The following SLC36A1 variants were observed in gnomAD, a reference collection of about 807,000 sequenced individuals.
SLC36A1 encodes proton-coupled amino acid transporter 1.
SLC36A1 carries 30 observed loss-of-function variants against 47.5 expected under a neutral mutation model. That is an observed-to-expected ratio of 0.63 (90% confidence interval 0.47 to 0.86). The LOEUF is 0.86. SLC36A1 is among the 40% of genes least tolerant of loss of function. The pLI, the probability that SLC36A1 is intolerant of heterozygous loss-of-function variation, is 0.00. For synonymous variants in SLC36A1, 255 were observed against 249.7 expected, an observed-to-expected ratio of 1.02 and a Z score of -0.20; for missense variants, 517 against 606.0, an observed-to-expected ratio of 0.85 and a Z score of 1.54.
At chr5:151,372,027 G>C in the SLC36A1 span, among the ~76,000 whole-genome samples, 1 of 152,150 alleles carries the variant, frequency 6.6e-6, no homozygotes, top group East Asian at 1.9e-4. Context: ...GGCCTTAGCT[G>C]CCTTGTGAGT....
intron 1 of SLC36A1, among the ~76,000 whole-genome samples, chr5:151,448,156 C>T (rs1753101734): frequency 6.6e-6 from 1 of 152,120 alleles, no homozygotes; most frequent in African/African-American, 2.4e-5. Context: ...ACTGCAAGGA[C>T]GCTGGGAAGT....
chr5:151,344,613 A>G, the SLC36A1 span, among the ~76,000 whole-genome samples: 1 of 152,210 alleles, frequency 6.6e-6, no homozygotes, highest in African/African-American at 2.4e-5. Context: ...AGGCACAGAG[A>G]TTTGTTAATG....
chr5:151,495,062 G>A (rs1760300371), downstream of SLC36A1, among the ~76,000 whole-genome samples: 1 of 152,150 alleles, frequency 6.6e-6, no homozygotes, highest in Admixed American at 6.5e-5. Flanking sequence ...CTAACTTTTG[G>A]CAAATTATTT....
At chr5:151,423,711 C>T in the SLC36A1 span, among the ~76,000 whole-genome samples, 8,314 of 152,162 alleles carry the variant, frequency 0.055, 739 homozygotes, top group African/African-American at 0.19. Context: ...TAATGGTGGA[C>T]ACATGCCATT....
the SLC36A1 span, among the ~76,000 whole-genome samples, chr5:151,414,378 T>C: frequency 6.9e-6 from 1 of 144,114 alleles, no homozygotes; most frequent in African/African-American, 3.0e-5. Context: ...CCAGACGTGT[T>C]GAAGCATATA....
At chr5:151,446,817 T>G (rs1188289299), upstream of SLC36A1, among the ~76,000 whole-genome samples, 1 of 152,242 alleles carries the variant, frequency 6.6e-6, no homozygotes, top group Non-Finnish European at 1.5e-5. Context: ...GTTCATTATT[T>G]CCTTATTTTC....
chr5:151,419,817 T>C, the SLC36A1 span: 2 of 152,332 alleles, frequency 1.3e-5, no homozygotes, highest in African/African-American at 2.4e-5. Flanking sequence ...GATATCAACA[T>C]TGGACTACAG....
At chr5:151,536,364 C>T in the SLC36A1 span, among the ~76,000 whole-genome samples, 1 of 152,108 alleles carries the variant, frequency 6.6e-6, no homozygotes, top group Non-Finnish European at 1.5e-5. Context: ...CCCTATCTAC[C>T]CAGACAGCTT....
At chr5:151,498,366 C>T in the SLC36A1 span, among the ~76,000 whole-genome samples, 1 of 152,172 alleles carries the variant, frequency 6.6e-6, no homozygotes, top group Non-Finnish European at 1.5e-5. Flanking sequence ...ATCTCCTGAA[C>T]ATTCAGTATA....
chr5:151,426,984 A>G, the SLC36A1 span, among the ~76,000 whole-genome samples: 1 of 152,240 alleles, frequency 6.6e-6, no homozygotes, highest in East Asian at 1.9e-4. Context: ...AACACAGCAC[A>G]TGGTTCTGCG....
At chr5:151,444,743 C>T (rs1257090687), upstream of SLC36A1, among the ~76,000 whole-genome samples, 1 of 152,168 alleles carries the variant, frequency 6.6e-6, no homozygotes, top group African/African-American at 2.4e-5. Flanking sequence ...CCCTGGCCTC[C>T]CAAAGTGCTG....
At chr5:151,493,905 G>A (rs146949071), downstream of SLC36A1, among the ~76,000 whole-genome samples, 2 of 152,244 alleles carry the variant, frequency 1.3e-5, no homozygotes, top group African/African-American at 4.8e-5. Flanking sequence ...AATATTAGCT[G>A]ACTTGTAGAA....
chr5:151,526,878 A>G, the SLC36A1 span, among the ~76,000 whole-genome samples: 1 of 152,322 alleles, frequency 6.6e-6, no homozygotes, highest in East Asian at 1.9e-4. Flanking sequence ...TTAGTAGGGA[A>G]TAGCTTGGGT....
chr5:151,438,294 A>T (rs539646276), intron 1 of SLC36A1, among the ~76,000 whole-genome samples: 2 of 152,264 alleles, frequency 1.3e-5, no homozygotes, highest in Admixed American at 6.5e-5. Context: ...AATTATATGA[A>T]CACCCTACTT....
At chr5:151,454,427 A>G (rs2127460582) in intron 1 of SLC36A1, among the ~76,000 whole-genome samples, 1 of 152,256 alleles carries the variant, frequency 6.6e-6, no homozygotes, top group East Asian at 1.9e-4. Flanking sequence ...CTTGGTTTCC[A>G]AAAAGAGCCA....
chr5:151,468,266 A>AAATATATATATATATATAT (rs55642458), intron 7 of SLC36A1, among the ~76,000 whole-genome samples: 15 of 63,810 alleles, frequency 2.4e-4, no homozygotes, highest in African/African-American at 1.1e-3. Context: ...AAAAAAAAAA[A>AAATATATATATATATATAT]ATATATATAT....
At chr5:151,366,450 GAGGGCCTAGA>G in the SLC36A1 span, 3 of 243,826 alleles carry the variant, frequency 1.2e-5, no homozygotes, top group East Asian at 4.4e-4. Flanking sequence ...TCAGCTCATG[GAGGGCCTAGA>G]AGGTCCCCAC....
At chr5:151,418,926 G>A in the SLC36A1 span, among the ~76,000 whole-genome samples, 4 of 152,226 alleles carry the variant, frequency 2.6e-5, no homozygotes, top group South Asian at 2.1e-4. Context: ...GGAGAGACCC[G>A]GTAGAGGTAA....
chr5:151,412,950 A>G, the SLC36A1 span, among the ~76,000 whole-genome samples: 1 of 144,032 alleles, frequency 6.9e-6, no homozygotes, highest in African/African-American at 2.5e-5. Flanking sequence ...TCCAAACTCC[A>G]TCAGACCCCT....
Sources: allele counts gnomAD v4.1 joint callset (sites outside exome capture counted in the v4.1 genomes callset), GRCh38; gene constraint gnomAD v4.1.1; transcripts MANE v1.5; gene names NCBI Gene and HGNC (gene_info 2026-07-23, HGNC 2026-07-21).